The following SKAP2 variants were observed in gnomAD, a reference collection of about 807,000 sequenced individuals.
The protein encoded by SKAP2 is src kinase-associated phosphoprotein 2.
A neutral mutation model predicts 54.9 loss-of-function variants in SKAP2; 28 were observed. The ratio of observed to expected loss-of-function variants is 0.51; its 90% CI spans 0.38 to 0.70. SKAP2 has a LOEUF of 0.70. SKAP2 is among the 30% of genes least tolerant of loss of function. The pLI, the probability that SKAP2 is intolerant of heterozygous loss-of-function variation, is 0.00. For synonymous variants in SKAP2, 137 were observed against 134.3 expected, an observed-to-expected ratio of 1.02 and a Z score of -0.14; for missense variants, 356 against 424.1, an observed-to-expected ratio of 0.84 and a Z score of 1.41.
At chr7:26,684,066 A>C (rs1166319930) in intron 11 of SKAP2, among the ~76,000 whole-genome samples, 4 of 152,138 alleles carry the variant, frequency 2.6e-5, no homozygotes, top group African/African-American at 9.6e-5. Flanking sequence ...TCACAATAAG[A>C]AACTTGACTT....
intron 4 of SKAP2, among the ~76,000 whole-genome samples, chr7:26,760,301 T>G (rs1180692015): frequency 6.6e-6 from 1 of 152,100 alleles, no homozygotes; most frequent in East Asian, 1.9e-4. Flanking sequence ...GAAAGAAAAA[T>G]TATTTCCTAA....
intron 4 of SKAP2, among the ~76,000 whole-genome samples, chr7:26,828,437 G>A (rs1235321077): frequency 6.6e-6 from 1 of 151,984 alleles, no homozygotes; most frequent in South Asian, 2.1e-4. Context: ...CAGCACTTTG[G>A]GAGGCCGAGG....
At position 26,847,267 on chromosome 7, in the gene SKAP2, G is replaced by A. The variant is rs185285001; in HGVS notation, c.200-3130C>T. ...ATAGCCCCTTTTTAACCTGCATTAA[G>A]TGGAAAGGACACATCATTTTTCAAG... is the stretch of plus-strand genomic sequence containing the variant. On this transcript the variant is annotated intron_variant, in intron 3 of 12. Coordinates refer to ENST00000345317, the MANE Select transcript of SKAP2 (RefSeq NM_003930.5). Among the ~76,000 whole-genome samples the A allele has an allele frequency of 1.0e-3, 158 of 152,014 alleles. 3 individuals are homozygous for A. The highest frequency in any genetic ancestry group is 0.01 in the Admixed American group (158 of 15,278).
chr7:26,703,686 T>C (rs773938113), intron 9 of SKAP2, among the ~76,000 whole-genome samples: 25 of 152,238 alleles, frequency 1.6e-4, no homozygotes, highest in Non-Finnish European at 2.4e-4. Context: ...TAAGGTAAAG[T>C]GGTCAACACA....
chr7:26,677,202 C>A lies in SKAP2; in HGVS notation c.988-7010G>T, dbSNP rs1786368535. Among the ~76,000 whole-genome samples the A allele has an allele frequency of 2.0e-5, 3 of 151,962 alleles. No individual in the cohort carries two copies. In the South Asian group the frequency reaches 6.2e-4, roughly 32 times the overall value. ...AGTCAGGAGTTCAAGACCAGCCTGGCCAACATGGTGAAACCCTATGTCTAC... is the reference window on the plus strand; with the variant it reads ...AGTCAGGAGTTCAAGACCAGCCTGGACAACATGGTGAAACCCTATGTCTAC... On this transcript the variant is annotated intron_variant, in intron 11 of 12. Transcript: ENST00000345317.
chr7:26,762,582 A>G (rs2127971463), intron 4 of SKAP2, among the ~76,000 whole-genome samples: 1 of 152,246 alleles, frequency 6.6e-6, no homozygotes, highest in South Asian at 2.1e-4. Flanking sequence ...TCATGCCTGT[A>G]ATCCCAGCAC....
At position 26,720,168 on chromosome 7, in the gene SKAP2, G is replaced by T. The variant is rs117096549; in HGVS notation, c.796+5260C>A. Among the ~76,000 whole-genome samples the T allele has an allele frequency of 8.0e-3, 1,209 of 152,062 alleles. 8 individuals carry two copies. Among genetic ancestry groups the T allele is most frequent in the Admixed American group, 0.018 (274 of 15,270 alleles). On this transcript the variant is annotated intron_variant, in intron 9 of 12. Transcript: ENST00000345317. ...CTGGGGTCAATATCTTCCCTGGCTG[G>T]GAACCACTGATGTAGCTCCAATTTG...
intron 6 of SKAP2, among the ~76,000 whole-genome samples, chr7:26,727,463 T>TA (rs1242157460): frequency 6.6e-6 from 1 of 151,974 alleles, no homozygotes; most frequent in South Asian, 2.1e-4. Flanking sequence ...AAGTTTTCTT[T>TA]AAAAAAGGTC....
chr7:26,787,320 G>T (rs1273443846), intron 4 of SKAP2, among the ~76,000 whole-genome samples: 1 of 132,466 alleles, frequency 7.5e-6, no homozygotes. Context: ...GCCTCAAGAT[G>T]GTTTTTTTTT....
At chr7:26,726,225 T>C (rs1490157444) in intron 7 of SKAP2, among the ~76,000 whole-genome samples, 1 of 152,124 alleles carries the variant, frequency 6.6e-6, no homozygotes, top group Non-Finnish European at 1.5e-5. Context: ...AAAAGCTGCT[T>C]CTCTTTCATC....
At chr7:26,784,782 A>G (rs1473045189) in intron 4 of SKAP2, among the ~76,000 whole-genome samples, 3 of 152,208 alleles carry the variant, frequency 2.0e-5, no homozygotes, top group Non-Finnish European at 4.4e-5. Context: ...AAGCATCTAC[A>G]GTAAAGTTTT....
intron 4 of SKAP2, among the ~76,000 whole-genome samples, chr7:26,764,028 T>C (rs1782990272): frequency 1.3e-5 from 2 of 152,162 alleles, no homozygotes; most frequent in Non-Finnish European, 2.9e-5. Flanking sequence ...TCAAATGATG[T>C]TTCCAGCCTT....
Position 26,690,320 on chromosome 7 carries a change from C to T in SKAP2, c.839G>A (p.Arg280Lys). The T allele has an allele frequency of 6.2e-7, 1 of 1,612,698 alleles. No individual in the cohort carries two copies. Among genetic ancestry groups the T allele is most frequent in the Non-Finnish European group, 8.5e-7 (1 of 1,178,746 alleles). Residue 280 changes from arginine to lysine, a missense_variant, in exon 10 of 13, where the codon AGG becomes AAG. Physicochemically the swap from Arg to Lys is conservative, Grantham distance 26. Transcript: ENST00000345317. ...ATGGACACTATCCTGACTCATCTTC[C>T]TTTGTTCTTCCACTTTCACTGGAGC... is the stretch of plus-strand genomic sequence containing the variant. ...DSAPVKVEEQ[R>K]KMSQDSVHHT...
At chr7:26,701,514 C>A (rs1787021992) in intron 9 of SKAP2, among the ~76,000 whole-genome samples, 1 of 152,122 alleles carries the variant, frequency 6.6e-6, no homozygotes, top group Admixed American at 6.5e-5. Flanking sequence ...AGGTAGATCA[C>A]CTGCAGTCAG....
chr7:26,720,852 C>T (rs1317923917), intron 9 of SKAP2, among the ~76,000 whole-genome samples: 1 of 152,122 alleles, frequency 6.6e-6, no homozygotes, highest in Non-Finnish European at 1.5e-5. Flanking sequence ...TGGTCCCTCC[C>T]AGGACACATG....
At chr7:26,852,488 C>T (rs1376025239) in intron 3 of SKAP2, among the ~76,000 whole-genome samples, 1 of 152,154 alleles carries the variant, frequency 6.6e-6, no homozygotes, top group African/African-American at 2.4e-5. Flanking sequence ...TAACTCAATA[C>T]AGCAGTATTG....
At chr7:26,751,062 CAA>C (rs925635193) in intron 4 of SKAP2, among the ~76,000 whole-genome samples, 3 of 151,858 alleles carry the variant, frequency 2.0e-5, no homozygotes, top group African/African-American at 7.3e-5. Flanking sequence ...ATTCTGTATA[CAA>C]AAAGTTTAGA....
At chr7:26,774,905 ACT>A in intron 4 of SKAP2, among the ~76,000 whole-genome samples, 1 of 152,320 alleles carries the variant, frequency 6.6e-6, no homozygotes, top group African/African-American at 2.4e-5. Context: ...CTGATTTGTT[ACT>A]GTCTGTGGTA....
At chr7:26,758,716 C>T (rs913066210) in intron 4 of SKAP2, among the ~76,000 whole-genome samples, 1 of 152,152 alleles carries the variant, frequency 6.6e-6, no homozygotes, top group African/African-American at 2.4e-5. Flanking sequence ...ATTAAAGGAA[C>T]ATATTTTCTC....
Sources: gnomAD v4.1 joint callset for allele counts (sites outside exome capture counted in the v4.1 genomes callset) on GRCh38, gnomAD v4.1.1 for gene constraint, MANE v1.5 for transcripts, NCBI Gene and HGNC (gene_info 2026-07-23, HGNC 2026-07-21) for gene names.